The following EIF4E2 variants were observed in gnomAD, a reference collection of about 807,000 sequenced individuals.
EIF4E2 encodes eukaryotic translation initiation factor 4E type 2.
In EIF4E2, 13 loss-of-function variants were observed where a neutral mutation model predicts 34.2. That is an observed-to-expected ratio of 0.38 (90% CI 0.25 to 0.60). The LOEUF (loss-of-function observed/expected upper bound fraction) is 0.60, where lower values mean the gene tolerates loss of function less well. Ranked by LOEUF, EIF4E2 falls within the 20% of genes least tolerant of loss-of-function variation. EIF4E2 has a pLI of 0.62. For missense variants in EIF4E2, 222 were observed against 315.1 expected (o/e 0.70, Z 2.24); for synonymous variants, 100 against 106.6 (o/e 0.94, Z 0.38).
chr2:232,581,050 A>G lies in EIF4E2; in HGVS notation c.*107A>G. On this transcript the variant is annotated 3_prime_UTR_variant, in exon 7 of 7. Transcript: ENST00000409098. This position sits in a 1 kb window ranked among gnomAD's most constrained non-coding sequence, Gnocchi z 5.2. The stretch of plus-strand genomic sequence containing the variant: ...ATTGCTCACTGAAGGGACGTCCCTG[A>G]GCCGTGCGCTCTCCTTTTGCACTCA... 1 of 1,101,804 alleles carries G rather than the reference A, an allele frequency of 9.1e-7. No individual in the cohort carries two copies. Among genetic ancestry groups the G allele is most frequent in the Non-Finnish European group, 1.4e-6 (1 of 737,612 alleles). The allele number at this position is 1,101,804 out of a possible 1,614,324, so 68.3% of individuals were successfully genotyped here. A position where few individuals can be genotyped will look rare whatever the true frequency, so the allele number is the denominator to read the frequency against.
chr2:232,564,184 T>G, intron 3 of EIF4E2, 63 bp from the exon 4 acceptor site: 1 of 1,087,698 alleles, frequency 9.2e-7, no homozygotes, highest in Non-Finnish European at 1.4e-6. Context: ...ATCTCAACCT[T>G]GGGATGCATT....
chr2:232,556,373 T>C (rs768378345), intron 1 of EIF4E2, 43 bp from the exon 2 acceptor site: 2 of 1,533,654 alleles, frequency 1.3e-6, no homozygotes, highest in East Asian at 2.3e-5. Flanking sequence ...TAAGCAAGAA[T>C]TGACTTCGTC....
chr2:232,565,042 T>C (rs1486114860), intron 4 of EIF4E2, among the ~76,000 whole-genome samples: 3 of 135,996 alleles, frequency 2.2e-5, no homozygotes, highest in Non-Finnish European at 4.7e-5. Context: ...ACTGGAGACC[T>C]AGAACTTTGC....
intron 4 of EIF4E2, among the ~76,000 whole-genome samples, chr2:232,565,353 G>T (rs749952203): frequency 3.9e-5 from 6 of 152,078 alleles, no homozygotes; most frequent in Admixed American, 6.6e-5. Flanking sequence ...CCACTTCTTG[G>T]CAGGGCATGG....
At chr2:232,561,792 C>T (rs578106158) in intron 3 of EIF4E2, among the ~76,000 whole-genome samples, 1 of 152,274 alleles carries the variant, frequency 6.6e-6, no homozygotes, top group African/African-American at 2.4e-5. Context: ...GTCCTGAAAC[C>T]TTTCTCAACT....
chr2:232,555,694 C>T (rs957118216), intron 1 of EIF4E2, among the ~76,000 whole-genome samples: 2 of 151,846 alleles, frequency 1.3e-5, no homozygotes, highest in African/African-American at 4.8e-5. Context: ...TGTGACAGAC[C>T]GAAGGGGTGG....
rs1693342211 is a variant in EIF4E2, at chr2:232,580,952, A to G, written c.*9A>G. ...CAAAAATCACATTGTGAGAGTACACAAGCTGGCAATAATCCTTTTCTGTAT... is the reference window on the plus strand; with the variant it reads ...CAAAAATCACATTGTGAGAGTACACGAGCTGGCAATAATCCTTTTCTGTAT... On this transcript the variant is annotated 3_prime_UTR_variant, in exon 7 of 7. Coordinates refer to the EIF4E2 transcript ENST00000409098. 1.9e-6 allele frequency: 3 copies of G among 1,550,208 alleles called. No homozygotes were observed. The East Asian group carries it at 7.3e-5, about 38-fold the overall frequency.
intron 1 of EIF4E2, among the ~76,000 whole-genome samples, chr2:232,551,610 C>G (rs767774985): frequency 1.3e-5 from 2 of 152,178 alleles, no homozygotes; most frequent in Non-Finnish European, 2.9e-5. Context: ...CATTGTTGCT[C>G]AAACCACATT....
chr2:232,575,213 G>A (rs769617455), intron 6 of EIF4E2, among the ~76,000 whole-genome samples: 1 of 152,202 alleles, frequency 6.6e-6, no homozygotes, highest in Non-Finnish European at 1.5e-5. Context: ...GGAGACGAGC[G>A]TTTTCCAGAA....
chr2:232,568,721 A>G, intron 6 of EIF4E2: 3 of 985,450 alleles, frequency 3.0e-6, no homozygotes, highest in Non-Finnish European at 3.6e-6. Context: ...AAACATATGT[A>G]CACGTCCTTA....
chr2:232,558,595 T>G (rs1408592402), intron 3 of EIF4E2: 1 of 74,532 alleles, frequency 1.3e-5, no homozygotes, highest in Non-Finnish European at 2.6e-5. Flanking sequence ...TGTTTTTTTT[T>G]TTGTTTGTTT....
intron 3 of EIF4E2, among the ~76,000 whole-genome samples, chr2:232,559,608 C>T (rs1326546368): frequency 6.6e-6 from 1 of 151,898 alleles, no homozygotes; most frequent in African/African-American, 2.4e-5. Context: ...CCATGTTTTA[C>T]AAATGAGGAA....
intron 6 of EIF4E2, among the ~76,000 whole-genome samples, chr2:232,578,945 G>C (rs1693281176): frequency 6.6e-6 from 1 of 152,148 alleles, no homozygotes; most frequent in African/African-American, 2.4e-5. Flanking sequence ...CCTCCTGATA[G>C]ACTTGTGGTG....
chr2:232,577,673 G>T (rs758487322), intron 6 of EIF4E2, among the ~76,000 whole-genome samples: 8 of 152,190 alleles, frequency 5.3e-5, no homozygotes, highest in African/African-American at 2.4e-5. Flanking sequence ...GTCTGAATGG[G>T]GCTCTCGGAT....
chr2:232,555,677 G>A (rs1692493069), intron 1 of EIF4E2, among the ~76,000 whole-genome samples: 1 of 152,056 alleles, frequency 6.6e-6, no homozygotes, highest in Non-Finnish European at 1.5e-5. Context: ...AGACATGGGA[G>A]GAATGGTGTG....
In EIF4E2 at chr2:232,581,138, C is replaced by T. The variant is rs1333036853; in HGVS notation, c.*195C>T. 10 of 714,154 alleles carry T rather than the reference C, an allele frequency of 1.4e-5. No homozygotes were observed. The highest frequency in any genetic ancestry group is 6.1e-5 in the Admixed American group (3 of 49,438). 44.2% of individuals were successfully genotyped at this position (714,154 alleles called of 1,614,324 possible). A position where few individuals can be genotyped will look rare whatever the true frequency, so the allele number is the denominator to read the frequency against. ...TCGCTGACTTTATAAAGCGGAAAAA[C>T]GGAAAACGTGACTTTGTAATAGACA... On this transcript the variant is annotated 3_prime_UTR_variant, in exon 7 of 7. Coordinates refer to the EIF4E2 transcript ENST00000409098. This position sits in a 1 kb window ranked among gnomAD's most constrained non-coding sequence, Gnocchi z 5.2.
intron 6 of EIF4E2, among the ~76,000 whole-genome samples, chr2:232,578,450 GTGAAACCC>G (rs1239345704): frequency 1.3e-5 from 2 of 152,144 alleles, no homozygotes; most frequent in Non-Finnish European, 2.9e-5. Flanking sequence ...GGCCAACATG[GTGAAACCC>G]TGTCTCTACT....
At chr2:232,577,498 A>G (rs560362804) in intron 6 of EIF4E2, among the ~76,000 whole-genome samples, 1 of 152,320 alleles carries the variant, frequency 6.6e-6, no homozygotes, top group South Asian at 2.1e-4. Flanking sequence ...CATTTTCAGG[A>G]GTTAATCTCT....
intron 6 of EIF4E2, 140 bp from the exon 7 acceptor site, chr2:232,568,805 C>T: frequency 6.8e-7 from 1 of 1,478,734 alleles, no homozygotes. Flanking sequence ...TCTGCTTTAT[C>T]CAGAGGTCTG....
Sources: gnomAD v4.1 joint callset for allele counts (sites outside exome capture counted in the v4.1 genomes callset) on GRCh38, gnomAD v4.1.1 for gene constraint, Gnocchi (gnomAD v3.1) non-coding constraint, MANE v1.5 for transcripts, NCBI Gene and HGNC (gene_info 2026-07-23, HGNC 2026-07-21) for gene names.